Variants in DNM3 observed in about 807,000 individuals in gnomAD.
DNM3 encodes dynamin-3.
A neutral mutation model predicts 101.6 loss-of-function variants in DNM3; 47 were observed. The observed-to-expected ratio is 0.46, with a 90% CI of 0.37 to 0.59. The LOEUF (loss-of-function observed/expected upper bound fraction) is 0.59. DNM3 is among the 20% of genes least tolerant of loss of function. The probability of loss-of-function intolerance (pLI) is 0.00; values close to 1 mark genes in which losing one functional copy is unlikely to be tolerated. For synonymous variants in DNM3, 385 were observed against 387.9 expected (o/e 0.99, Z 0.09); for missense variants, 849 against 1,085.7 (o/e 0.78, Z 3.06).
intron 2 of DNM3, among the ~76,000 whole-genome samples, chr1:171,946,712 A>G (rs1397087576): frequency 6.6e-6 from 1 of 152,214 alleles, no homozygotes; most frequent in African/African-American, 2.4e-5. Context: ...TACAAGAAGC[A>G]TGGTGTCAGC....
At chr1:172,134,863 G>A (rs576151014) in intron 14 of DNM3, among the ~76,000 whole-genome samples, 103 of 151,942 alleles carry the variant, frequency 6.8e-4, no homozygotes, top group Non-Finnish European at 1.3e-3. Flanking sequence ...ATTTAAGGAG[G>A]GTAATTAAGT....
At chr1:172,145,701 A>G (rs916116758) in intron 14 of DNM3, among the ~76,000 whole-genome samples, 1 of 152,194 alleles carries the variant, frequency 6.6e-6, no homozygotes, top group Non-Finnish European at 1.5e-5. Flanking sequence ...ACAACGACTC[A>G]GGTCTTCTAA....
intron 15 of DNM3, among the ~76,000 whole-genome samples, chr1:172,263,954 C>T (rs12093789): frequency 0.016 from 2,496 of 152,292 alleles, 68 homozygotes; most frequent in African/African-American, 0.056. Flanking sequence ...GATTATTATA[C>T]ATGAAATTAA....
chr1:172,215,067 C>T (rs903800052), intron 14 of DNM3, among the ~76,000 whole-genome samples: 2 of 152,088 alleles, frequency 1.3e-5, no homozygotes, highest in African/African-American at 2.4e-5. Flanking sequence ...CAACAAATAT[C>T]AAGTAAGCAC....
At chr1:171,894,348 C>A (rs568050174) in intron 1 of DNM3, among the ~76,000 whole-genome samples, 1 of 152,156 alleles carries the variant, frequency 6.6e-6, no homozygotes, top group African/African-American at 2.4e-5. Flanking sequence ...ACTGGAAAAC[C>A]GGAAAGCTCT....
At chr1:172,197,056 C>A (rs1320338218) in intron 14 of DNM3, among the ~76,000 whole-genome samples, 1 of 152,080 alleles carries the variant, frequency 6.6e-6, no homozygotes, top group Non-Finnish European at 1.5e-5. Flanking sequence ...ACATTTAAAT[C>A]TTTAATCCAC....
chr1:172,256,692 T>C (rs187977503), intron 15 of DNM3, among the ~76,000 whole-genome samples: 7 of 152,090 alleles, frequency 4.6e-5, no homozygotes, highest in African/African-American at 1.7e-4. Context: ...CTCTTAATTA[T>C]TTCCTTCCTT....
At chr1:172,155,308 C>G (rs1233603504) in intron 14 of DNM3, among the ~76,000 whole-genome samples, 2 of 149,958 alleles carry the variant, frequency 1.3e-5, no homozygotes, top group African/African-American at 4.9e-5. Context: ...AAAAAAAAAC[C>G]TGTAATATTT....
chr1:172,225,134 C>CTTTTTTTTTTTTTTTTTTTTTTT (rs1168334078), intron 14 of DNM3, among the ~76,000 whole-genome samples: 2 of 65,528 alleles, frequency 3.1e-5, no homozygotes, highest in Non-Finnish European at 5.4e-5. Context: ...TCTTCTTCCT[C>CTTTTTTTTTTTTTTTTTTTTTTT]TTTTTTTTTT....
At chr1:171,982,804 A>G (rs76522894) in intron 2 of DNM3, among the ~76,000 whole-genome samples, 49 of 152,306 alleles carry the variant, frequency 3.2e-4, no homozygotes, top group African/African-American at 1.2e-3. Flanking sequence ...TTAACCAGTA[A>G]AGATGTAAAA....
intron 14 of DNM3, among the ~76,000 whole-genome samples, chr1:172,236,394 G>A (rs538458462): frequency 1.3e-5 from 2 of 152,160 alleles, no homozygotes; most frequent in African/African-American, 2.4e-5. Context: ...GAGAAGGGGT[G>A]GTATTTCTAG....
intron 12 of DNM3, among the ~76,000 whole-genome samples, chr1:172,084,476 C>G (rs2147762344): frequency 6.6e-6 from 1 of 152,224 alleles, no homozygotes; most frequent in Non-Finnish European, 1.5e-5. Context: ...TGCCCCAAGA[C>G]TCAGAGATAA....
At chr1:172,249,993 A>G (rs987954625) in intron 14 of DNM3, among the ~76,000 whole-genome samples, 1 of 152,206 alleles carries the variant, frequency 6.6e-6, no homozygotes, top group East Asian at 1.9e-4. Context: ...TAAACTGCTT[A>G]AACAATATAT....
intron 14 of DNM3, among the ~76,000 whole-genome samples, chr1:172,209,180 GA>G (rs982479437): frequency 3.3e-5 from 5 of 151,946 alleles, no homozygotes; most frequent in Admixed American, 3.3e-4. Flanking sequence ...GAGTAATTTT[GA>G]CATACAATGA....
At chr1:172,160,430 T>G (rs955290571) in intron 14 of DNM3, among the ~76,000 whole-genome samples, 3 of 152,078 alleles carry the variant, frequency 2.0e-5, no homozygotes, top group African/African-American at 7.2e-5. Flanking sequence ...TTTTTAAATG[T>G]TTTTATTTTT....
chr1:172,241,332 A>G (rs927729239), intron 14 of DNM3, among the ~76,000 whole-genome samples: 2 of 151,648 alleles, frequency 1.3e-5, no homozygotes, highest in African/African-American at 2.4e-5. Context: ...AAACTGCATA[A>G]ACGTATGGCA....
At chr1:172,377,656 G>A (rs1279361068) in intron 17 of DNM3, among the ~76,000 whole-genome samples, 1 of 148,724 alleles carries the variant, frequency 6.7e-6, no homozygotes, top group African/African-American at 2.5e-5. Flanking sequence ...AATTTCTCTG[G>A]TCTGTGCTTT....
intron 14 of DNM3, among the ~76,000 whole-genome samples, chr1:172,185,979 A>G (rs2059508654): frequency 6.6e-6 from 1 of 152,124 alleles, no homozygotes. Context: ...TTGTTTTATA[A>G]TTGGTCTCCT....
chr1:172,388,832 G>A, intron 20 of DNM3, 23 bp downstream of exon 20: 16 of 1,529,804 alleles, frequency 1.0e-5, no homozygotes, highest in Non-Finnish European at 1.4e-5. Flanking sequence ...GCAGAAATTG[G>A]GGGGGTAGTG....
Sources: allele counts gnomAD v4.1 joint callset (sites outside exome capture counted in the v4.1 genomes callset), GRCh38; gene constraint gnomAD v4.1.1; transcripts MANE v1.5; gene names NCBI Gene and HGNC (gene_info 2026-07-23, HGNC 2026-07-21).